Variants in MSRA observed in about 807,000 individuals in gnomAD.
The protein encoded by MSRA is methionine sulfoxide reductase A, also known as mitochondrial peptide methionine sulfoxide reductase.
In MSRA, 54 loss-of-function variants were observed where a neutral mutation model predicts 31.3. That is an observed-to-expected ratio of 1.73 (90% CI 1.39 to 2.17). MSRA has a LOEUF of 2.17. Ranked by LOEUF, MSRA falls within the 30% of genes most tolerant of loss-of-function variation. MSRA has a pLI of 0.00. For synonymous variants in MSRA, 169 were observed against 116.5 expected, an observed-to-expected ratio of 1.45 and a Z score of -2.90; for missense variants, 507 against 300.9, an observed-to-expected ratio of 1.69 and a Z score of -5.07.
intron 1 of MSRA, among the ~76,000 whole-genome samples, chr8:10,179,726 C>T (rs892139738): frequency 6.6e-5 from 10 of 152,178 alleles, no homozygotes. Flanking sequence ...ATCTGGCTTT[C>T]TCATGTGTAA....
chr8:10,188,454 A>G (rs896545125), intron 1 of MSRA, among the ~76,000 whole-genome samples: 8 of 152,210 alleles, frequency 5.3e-5, no homozygotes, highest in African/African-American at 1.7e-4. Context: ...TTGAGAAAGT[A>G]TTTAGTTTTC....
At chr8:10,057,865 A>G (rs1477569507) in intron 1 of MSRA, among the ~76,000 whole-genome samples, 1 of 152,208 alleles carries the variant, frequency 6.6e-6, no homozygotes, top group Non-Finnish European at 1.5e-5. Context: ...CTTCTTTATA[A>G]GTTACCTTGT....
chr8:10,058,520 G>A (rs1251954416), intron 1 of MSRA, among the ~76,000 whole-genome samples: 1 of 152,150 alleles, frequency 6.6e-6, no homozygotes, highest in Non-Finnish European at 1.5e-5. Flanking sequence ...AAGAAATAAA[G>A]CTATGAAAGA....
At chr8:10,211,702 G>T (rs983745657) in intron 2 of MSRA, among the ~76,000 whole-genome samples, 4 of 152,082 alleles carry the variant, frequency 2.6e-5, no homozygotes, top group East Asian at 3.9e-4. Context: ...CATGGCCGAG[G>T]CTTCCTCAGG....
At chr8:10,195,977 T>C (rs1432939239) in intron 1 of MSRA, among the ~76,000 whole-genome samples, 5 of 152,154 alleles carry the variant, frequency 3.3e-5, no homozygotes, top group Non-Finnish European at 5.9e-5. Context: ...CTGGAACAGA[T>C]TGGAAGGGGA....
At chr8:10,143,298 C>T (rs958060250) in intron 1 of MSRA, among the ~76,000 whole-genome samples, 3 of 152,014 alleles carry the variant, frequency 2.0e-5, no homozygotes, top group Non-Finnish European at 2.9e-5. Context: ...GGCTGATACC[C>T]GTTGAAAGTA....
At chr8:10,294,186 G>A (rs1337289646) in intron 3 of MSRA, among the ~76,000 whole-genome samples, 2 of 152,182 alleles carry the variant, frequency 1.3e-5, no homozygotes, top group African/African-American at 4.8e-5. Flanking sequence ...GGGCAAGAGA[G>A]TGAGACTCCT....
At chr8:10,212,659 C>A (rs926486870) in intron 2 of MSRA, among the ~76,000 whole-genome samples, 1 of 152,136 alleles carries the variant, frequency 6.6e-6, no homozygotes, top group Non-Finnish European at 1.5e-5. Context: ...TTTACAGTTG[C>A]AGTTTTAATA....
intron 1 of MSRA, among the ~76,000 whole-genome samples, chr8:10,202,391 C>G (rs566299475): frequency 6.6e-6 from 1 of 152,310 alleles, no homozygotes; most frequent in East Asian, 1.9e-4. Flanking sequence ...TCTTTTATCC[C>G]TAGAGCAATA....
chr8:10,264,094 C>A (rs769408493), intron 3 of MSRA, among the ~76,000 whole-genome samples: 86 of 152,106 alleles, frequency 5.7e-4, no homozygotes, highest in Non-Finnish European at 1.0e-3. Context: ...GAAGCAGAGC[C>A]TTCCAAGTTT....
Position 10,107,436 on chromosome 8 carries a change from T to C in MSRA, c.142+52778T>C, listed in dbSNP as rs115502517. 1.0e-3 allele frequency among the ~76,000 whole-genome samples: 157 copies of C among 152,258 alleles called. 1 individual carries two copies. Among genetic ancestry groups the C allele is most frequent in the African/African-American group, 3.7e-3 (153 of 41,554 alleles). On this transcript the variant is annotated intron_variant, in intron 1 of 5. Transcript: ENST00000317173. The stretch of plus-strand genomic sequence containing the variant: ...TAGAATCTCTGGGCAGCAGTCCTTG[T>C]GGTACTCGTACTCAGTGCCTAGCAA...
intron 1 of MSRA, among the ~76,000 whole-genome samples, chr8:10,086,646 G>C (rs1198688033): frequency 6.6e-6 from 1 of 152,100 alleles, no homozygotes; most frequent in South Asian, 2.1e-4. Flanking sequence ...TTCTTATTGT[G>C]GCGGTTGTTA....
At chr8:10,123,435 A>G (rs1275853351) in intron 1 of MSRA, among the ~76,000 whole-genome samples, 1 of 152,184 alleles carries the variant, frequency 6.6e-6, no homozygotes, top group Non-Finnish European at 1.5e-5. Flanking sequence ...TCAAATGCAT[A>G]GTTTGCAAAA....
At chr8:10,285,561 G>A (rs542953808) in intron 3 of MSRA, among the ~76,000 whole-genome samples, 6 of 152,106 alleles carry the variant, frequency 3.9e-5, no homozygotes, top group Non-Finnish European at 8.8e-5. Context: ...ATTATAGTCA[G>A]TCTGTAGGGT....
chr8:10,329,561 C>G (rs952103984), intron 5 of MSRA, among the ~76,000 whole-genome samples: 1 of 152,218 alleles, frequency 6.6e-6, no homozygotes, highest in Non-Finnish European at 1.5e-5. Flanking sequence ...TATAAAATAA[C>G]ATTCACAGGT....
chr8:10,246,143 T>C (rs961902510), intron 3 of MSRA, among the ~76,000 whole-genome samples: 1 of 152,246 alleles, frequency 6.6e-6, no homozygotes, highest in Non-Finnish European at 1.5e-5. Flanking sequence ...CTCATTGTTA[T>C]TATTATATAT....
chr8:10,084,168 G>A (rs906053223), intron 1 of MSRA, among the ~76,000 whole-genome samples: 1 of 152,202 alleles, frequency 6.6e-6, no homozygotes, highest in Non-Finnish European at 1.5e-5. Flanking sequence ...ACTTGTCCAC[G>A]CTTCCAAGTT....
intron 2 of MSRA, among the ~76,000 whole-genome samples, chr8:10,242,818 G>A (rs1797405664): frequency 6.6e-6 from 1 of 152,080 alleles, no homozygotes; most frequent in Non-Finnish European, 1.5e-5. Flanking sequence ...GCTTCATGGA[G>A]TTTTATCCTC....
chr8:10,214,074 G>GT (rs1334393639), intron 2 of MSRA, among the ~76,000 whole-genome samples: 1 of 152,192 alleles, frequency 6.6e-6, no homozygotes, highest in Non-Finnish European at 1.5e-5. Context: ...TGGAAAACAT[G>GT]TTTTCCGGGT....
Sources: gnomAD v4.1 joint callset for allele counts (sites outside exome capture counted in the v4.1 genomes callset) on GRCh38, gnomAD v4.1.1 for gene constraint, MANE v1.5 for transcripts, NCBI Gene and HGNC (gene_info 2026-07-23, HGNC 2026-07-21) for gene names.